Variants in SV2C observed in about 807,000 individuals in gnomAD.
SV2C encodes synaptic vesicle glycoprotein 2C.
Under a neutral mutation model 79.7 loss-of-function variants are expected in SV2C, and 49 were observed. The ratio of observed to expected loss-of-function variants is 0.61; its 90% CI spans 0.49 to 0.78. SV2C has a LOEUF of 0.78. Ranked by LOEUF, SV2C falls within the 30% of genes least tolerant of loss-of-function variation. SV2C has a pLI of 0.00. For synonymous variants in SV2C, 334 were observed against 333.2 expected (o/e 1.00, Z -0.03); for missense variants, 833 against 912.9 (o/e 0.91, Z 1.13).
rs74970894 is a variant in SV2C at position 76,088,609 on chromosome 5, C to T, written c.-102+5097C>T. Among the ~76,000 whole-genome samples the T allele has an allele frequency of 4.0e-4, 61 of 152,292 alleles. No homozygotes were observed. In the East Asian group the frequency reaches 9.6e-3, roughly 24 times the overall value. ...TTCCAAAAGGCCTCACCTCTTAATA[C>T]TATCACACTGGGGAGTAAGTTCCAA... On this transcript the variant is annotated intron_variant, in intron 1 of 12. Coordinates refer to ENST00000502798, the MANE Select transcript of SV2C (RefSeq NM_014979.4).
At chr5:76,036,910 A>G in the SV2C span, among the ~76,000 whole-genome samples, 2,051 of 152,264 alleles carry the variant, frequency 0.013, 47 homozygotes, top group East Asian at 0.048. Context: ...GTCTTTTCAC[A>G]CAGTCCCATA....
chr5:75,851,058 A>AT, the SV2C span, among the ~76,000 whole-genome samples: 1 of 152,178 alleles, frequency 6.6e-6, no homozygotes, highest in Admixed American at 6.5e-5. Context: ...AGGACTCCAC[A>AT]TCTAACACTT....
the SV2C span, chr5:75,910,400 ATTTCCTGCAGG>A: frequency 1.7e-6 from 1 of 588,190 alleles, no homozygotes; most frequent in Non-Finnish European, 3.3e-6. Flanking sequence ...ACTGCTGTAG[ATTTCCTGCAGG>A]GTTTCTGATA....
chr5:76,050,546 C>A, the SV2C span, among the ~76,000 whole-genome samples: 1 of 152,124 alleles, frequency 6.6e-6, no homozygotes, highest in Non-Finnish European at 1.5e-5. Flanking sequence ...CTCATTTGTT[C>A]CTTAGTAATT....
At chr5:75,964,668 A>G in the SV2C span, among the ~76,000 whole-genome samples, 1 of 152,178 alleles carries the variant, frequency 6.6e-6, no homozygotes, top group Non-Finnish European at 1.5e-5. Flanking sequence ...TTTCTTTACC[A>G]GATTCTACCA....
intron 4 of SV2C, among the ~76,000 whole-genome samples, chr5:76,212,957 C>A (rs1457585886): frequency 6.6e-6 from 1 of 152,104 alleles, no homozygotes; most frequent in African/African-American, 2.4e-5. Context: ...CTAATTAATT[C>A]ATATATAACT....
the SV2C span, among the ~76,000 whole-genome samples, chr5:76,033,326 C>A: frequency 6.6e-6 from 1 of 152,166 alleles, no homozygotes; most frequent in East Asian, 1.9e-4. Context: ...CTTGCCCATG[C>A]CTATGTCCTG....
rs1483467767 is a variant in SV2C, at chr5:76,327,022, G to GTTAC, written c.*1479_*1482dup. 6.6e-6 allele frequency: 1 copy of GTTAC among 151,846 alleles called. No homozygotes were observed. The highest frequency in any genetic ancestry group is 1.5e-5 in the Non-Finnish European group (1 of 68,014). 9.4% of individuals were successfully genotyped at this position (151,846 alleles called of 1,614,324 possible). On this transcript the variant is annotated 3_prime_UTR_variant, in exon 13 of 13. Coordinates refer to ENST00000502798, the MANE Select transcript of SV2C (RefSeq NM_014979.4). ...ACTGCCTCGATAGAGGTTTATTCTTGTTACTTATTATAGGCATTTTCAGGC... is the reference window on the plus strand; with the variant it reads ...ACTGCCTCGATAGAGGTTTATTCTTGTTACTTACTTATTATAGGCATTTTCAGGC...
chr5:76,138,969 A>G (rs1749160680), intron 2 of SV2C, among the ~76,000 whole-genome samples: 1 of 152,082 alleles, frequency 6.6e-6, no homozygotes, highest in African/African-American at 2.4e-5. Flanking sequence ...ATCCAAAAAA[A>G]TTAGTCGGGT....
At chr5:75,987,178 T>C in the SV2C span, among the ~76,000 whole-genome samples, 1 of 152,036 alleles carries the variant, frequency 6.6e-6, no homozygotes, top group Non-Finnish European at 1.5e-5. Context: ...CCAAGAGTCT[T>C]ATGCCTCCTG....
chr5:76,229,957 G>T (rs952825676), intron 4 of SV2C, among the ~76,000 whole-genome samples: 1 of 152,152 alleles, frequency 6.6e-6, no homozygotes, highest in Non-Finnish European at 1.5e-5. Flanking sequence ...TCTGGTATAT[G>T]CCCGGAGAAA....
the SV2C span, among the ~76,000 whole-genome samples, chr5:75,932,312 T>C: frequency 6.6e-6 from 1 of 152,366 alleles, no homozygotes; most frequent in Non-Finnish European, 1.5e-5. Flanking sequence ...GGATCGGCTG[T>C]GGCTATCATC....
chr5:76,181,381 C>T (rs1580335505), intron 2 of SV2C, among the ~76,000 whole-genome samples: 1 of 152,356 alleles, frequency 6.6e-6, no homozygotes, highest in East Asian at 1.9e-4. Context: ...TCCTGTTCTA[C>T]AGTGCCTTTG....
intron 4 of SV2C, among the ~76,000 whole-genome samples, chr5:76,238,371 C>G (rs931865706): frequency 1.3e-5 from 2 of 151,916 alleles, no homozygotes; most frequent in East Asian, 3.9e-4. Flanking sequence ...TGTTTCATGG[C>G]TGTATCATGT....
chr5:76,127,929 G>T (rs1748764336), intron 1 of SV2C, among the ~76,000 whole-genome samples: 1 of 152,082 alleles, frequency 6.6e-6, no homozygotes, highest in Non-Finnish European at 1.5e-5. Flanking sequence ...CTCCCGCCCT[G>T]CTCCCTGACT....
At chr5:76,073,542 T>C in the SV2C span, among the ~76,000 whole-genome samples, 4 of 126,314 alleles carry the variant, frequency 3.2e-5, no homozygotes, top group Non-Finnish European at 3.3e-5. Context: ...TATATATATA[T>C]ATACACCATG....
Position 76,141,925 on chromosome 5 carries a change from A to C in SV2C, c.580+9595A>C, listed in dbSNP as rs530791230. Among the ~76,000 whole-genome samples the C allele has an allele frequency of 3.9e-5, 6 of 152,222 alleles. 1 individual carries two copies. The East Asian group carries it at 1.2e-3, about 29-fold the overall frequency. ...TTATCTAACAATTGGATCAAGCCAAATATAATAATACAGACTCATAGGTTT... is the reference window on the plus strand; with the variant it reads ...TTATCTAACAATTGGATCAAGCCAACTATAATAATACAGACTCATAGGTTT... On this transcript the variant is annotated intron_variant, in intron 2 of 12. Coordinates refer to ENST00000502798, the MANE Select transcript of SV2C (RefSeq NM_014979.4).
chr5:75,922,863 G>C, the SV2C span, among the ~76,000 whole-genome samples: 3 of 152,312 alleles, frequency 2.0e-5, no homozygotes, highest in South Asian at 6.2e-4. Flanking sequence ...ACAGTGACTA[G>C]AGCAAGAAAT....
At chr5:76,007,912 G>A in the SV2C span, among the ~76,000 whole-genome samples, 7 of 152,256 alleles carry the variant, frequency 4.6e-5, no homozygotes, top group Middle Eastern at 3.4e-3. Flanking sequence ...GGGAGATTCT[G>A]TTAGGATTTG....
Sources: gnomAD v4.1 joint callset for allele counts (sites outside exome capture counted in the v4.1 genomes callset) on GRCh38, gnomAD v4.1.1 for gene constraint, MANE v1.5 for transcripts, NCBI Gene and HGNC (gene_info 2026-07-23, HGNC 2026-07-21) for gene names.